Variants in CPNE1 observed in about 807,000 individuals in gnomAD.
The protein encoded by CPNE1 is copine 1, also known as copine-1.
Under a neutral mutation model 63.2 loss-of-function variants are expected in CPNE1, and 58 were observed. The observed-to-expected ratio is 0.92, with a 90% CI of 0.74 to 1.14. The LOEUF (loss-of-function observed/expected upper bound fraction) is 1.14. CPNE1 is among the 50% of genes most tolerant of loss of function. The probability of loss-of-function intolerance (pLI) is 0.00; values close to 1 mark genes in which losing one functional copy is unlikely to be tolerated. For synonymous variants in CPNE1, 237 were observed against 249.0 expected (o/e 0.95, Z 0.45); for missense variants, 672 against 661.7 (o/e 1.02, Z -0.17).
At chr20:35,645,938 T>C (rs543630083) in intron 1 of CPNE1, among the ~76,000 whole-genome samples, 1 of 152,036 alleles carries the variant, frequency 6.6e-6, no homozygotes, top group East Asian at 1.9e-4. Flanking sequence ...GTTGGTGTGA[T>C]TTAAAACCTT....
intron 1 of CPNE1, among the ~76,000 whole-genome samples, chr20:35,643,666 C>T (rs1176387344): frequency 1.3e-5 from 2 of 152,096 alleles, no homozygotes; most frequent in African/African-American, 4.8e-5. Flanking sequence ...TTGCTTGAAC[C>T]CAGGAGGCGG....
intron 1 of CPNE1, among the ~76,000 whole-genome samples, chr20:35,661,669 A>C (rs2034237872): frequency 1.3e-5 from 2 of 152,222 alleles, no homozygotes; most frequent in African/African-American, 4.8e-5. Flanking sequence ...TTAACATATT[A>C]TGGCAAGACA....
chr20:35,655,974 C>CA (rs1396456499), intron 1 of CPNE1, among the ~76,000 whole-genome samples: 3 of 152,218 alleles, frequency 2.0e-5, no homozygotes, highest in Middle Eastern at 3.4e-3. Context: ...TTGTACATTA[C>CA]AAAAAACTAC....
chr20:35,632,422 G>A, intron 3 of CPNE1, 37 bp from the exon 4 acceptor site: 3 of 1,609,248 alleles, frequency 1.9e-6, no homozygotes, highest in Non-Finnish European at 2.6e-6. Flanking sequence ...CAGGATAACA[G>A]GCAGGGTTAG....
rs549372063 is a variant in CPNE1 at position 35,646,252 on chromosome 20, CAAAAAAAAAA to C, written c.1-13339_1-13330del. Among the ~76,000 whole-genome samples the C allele has an allele frequency of 2.9e-3, 169 of 58,360 alleles. 1 individual carries two copies. The highest frequency in any genetic ancestry group is 7.4e-3 in the African/African-American group (147 of 19,952). The allele number at this position is 58,360 out of a possible 152,430, so 38.3% of individuals were successfully genotyped here. A position where few individuals can be genotyped will look rare whatever the true frequency, so the allele number is the denominator to read the frequency against. ...CCTGGGCAGCAGAGCAAGACCATCT[CAAAAAAAAAA>C]AAAAAAAAAAAAAAAAGAAACAAAA... is the stretch of plus-strand genomic sequence containing the variant. On this transcript the variant is annotated intron_variant, in intron 1 of 15. Coordinates refer to ENST00000397443, the MANE Select transcript of CPNE1 (RefSeq NM_152925.3).
intron 1 of CPNE1, among the ~76,000 whole-genome samples, chr20:35,645,560 C>G (rs1021276231): frequency 2.6e-5 from 4 of 152,194 alleles, no homozygotes; most frequent in African/African-American, 9.7e-5. Flanking sequence ...GTGCACACCA[C>G]TGCAAAAATC....
chr20:35,661,363 G>A (rs1424850758), intron 1 of CPNE1, among the ~76,000 whole-genome samples: 4 of 152,100 alleles, frequency 2.6e-5, no homozygotes, highest in African/African-American at 9.7e-5. Context: ...AAAAATCCAC[G>A]CCATTTACCT....
intron 1 of CPNE1, chr20:35,649,691 T>C (rs1422559405): frequency 6.6e-6 from 1 of 152,586 alleles, no homozygotes; most frequent in African/African-American, 2.4e-5. Context: ...GTTTACAAAT[T>C]TGCTTATTTA....
intron 15 of CPNE1, 35 bp downstream of exon 15, chr20:35,626,532 G>C (rs2031753503): frequency 6.2e-7 from 1 of 1,604,924 alleles, no homozygotes; most frequent in African/African-American, 1.3e-5. Flanking sequence ...AAAGGTGAAA[G>C]GGTAAACTCC....
At chr20:35,632,414 GGATAACA>G (rs765719393) in intron 3 of CPNE1, 29 bp from the exon 4 acceptor site, 1 of 1,612,062 alleles carries the variant, frequency 6.2e-7, no homozygotes, top group East Asian at 2.2e-5. Context: ...GGGAGTTTCA[GGATAACA>G]GGCAGGGTTA....
chr20:35,626,368 G>A lies in CPNE1; in HGVS notation c.1487C>T (p.Ala496Val), dbSNP rs984730120. The change falls in exon 16 of 16, where the codon GCA becomes GTA. Residue 496 changes from alanine to valine, a missense_variant. Transcript: ENST00000397443. ...TTCTGCGAGCACGGTCTGTGCCAAT[G>A]CCTCCCGAGGGGCCTGCCAAGAAAA... Reference protein sequence around the residue: ...YRRFQNAPREALAQTVLAEVP... With the variant: ...YRRFQNAPREVLAQTVLAEVP... 1 of 1,613,908 alleles carries A rather than the reference G, an allele frequency of 6.2e-7. No individual in the cohort carries two copies. Among genetic ancestry groups the A allele is most frequent in the Non-Finnish European group, 8.5e-7 (1 of 1,179,956 alleles).
intron 1 of CPNE1, among the ~76,000 whole-genome samples, chr20:35,659,165 C>T (rs2034089307): frequency 6.6e-6 from 1 of 151,178 alleles, no homozygotes; most frequent in Admixed American, 6.6e-5. Flanking sequence ...AGAAAGACAC[C>T]GTAACAAAAT....
At chr20:35,659,116 A>G in intron 1 of CPNE1, 2 of 468,916 alleles carry the variant, frequency 4.3e-6, no homozygotes, top group Non-Finnish European at 7.8e-6. Context: ...AAACCACCAG[A>G]GTACTTCATT....
Position 35,629,608 on chromosome 20 carries a change from C to G in CPNE1, c.1102+831G>C, listed in dbSNP as rs532153826. 1.3e-3 allele frequency among the ~76,000 whole-genome samples: 197 copies of G among 152,056 alleles called. 4 individuals carry two copies. The highest frequency in any genetic ancestry group is 4.6e-3 in the African/African-American group (190 of 41,478). On this transcript the variant is annotated intron_variant, in intron 13 of 15. Transcript: ENST00000397443. ...ATTTCCTATGTTTAGTCTTATGAAACCAAAGCACACAGAGATTAAGCAACC... is the reference window on the plus strand; with the variant it reads ...ATTTCCTATGTTTAGTCTTATGAAAGCAAAGCACACAGAGATTAAGCAACC...
At position 35,653,645 on chromosome 20, in the gene CPNE1, C is replaced by T. The variant is rs184344953; in HGVS notation, c.-1+11115G>A. 3.0e-5 allele frequency: 48 copies of T among 1,614,196 alleles called. No homozygotes were observed. In the East Asian group the frequency reaches 9.6e-4, roughly 32 times the overall value. ...GGGATTCCTTCTAGGAACTGAAGAACATCCATCTTTGTAATGCTGAATGGA... is the reference window on the plus strand; with the variant it reads ...GGGATTCCTTCTAGGAACTGAAGAATATCCATCTTTGTAATGCTGAATGGA... On this transcript the variant is annotated intron_variant, in intron 1 of 15. Transcript: ENST00000397443.
intron 1 of CPNE1, among the ~76,000 whole-genome samples, chr20:35,662,419 G>A (rs1191780255): frequency 6.6e-6 from 1 of 152,166 alleles, no homozygotes; most frequent in African/African-American, 2.4e-5. Flanking sequence ...TGATAAAACT[G>A]TAGTTTAGAT....
At chr20:35,653,631 T>C (rs201187053) in intron 1 of CPNE1, 3 of 1,614,208 alleles carry the variant, frequency 1.9e-6, no homozygotes, top group Admixed American at 3.3e-5. Context: ...GGATTCCTTC[T>C]AGGAACTGAA....
intron 1 of CPNE1, among the ~76,000 whole-genome samples, chr20:35,635,907 G>T (rs2032461423): frequency 6.6e-6 from 1 of 152,128 alleles, no homozygotes; most frequent in South Asian, 2.1e-4. Flanking sequence ...CCTGGCCCCT[G>T]CATGAACAGT....
intron 1 of CPNE1, among the ~76,000 whole-genome samples, chr20:35,641,572 TAATATA>T (rs2032812544): frequency 1.3e-5 from 2 of 152,206 alleles, no homozygotes; most frequent in Non-Finnish European, 2.9e-5. Flanking sequence ...TTCTGAAGAT[TAATATA>T]AATAATGTAT....
Sources: allele counts gnomAD v4.1 joint callset (sites outside exome capture counted in the v4.1 genomes callset), GRCh38; gene constraint gnomAD v4.1.1; transcripts MANE v1.5; gene names NCBI Gene and HGNC (gene_info 2026-07-23, HGNC 2026-07-21).